The following FHIT variants were observed in gnomAD, a reference collection of about 807,000 sequenced individuals.
FHIT encodes the protein fragile histidine triad diadenosine triphosphatase.
A neutral mutation model predicts 17.9 loss-of-function variants in FHIT; 19 were observed. The ratio of observed to expected loss-of-function variants is 1.06; its 90% CI spans 0.74 to 1.56. The LOEUF (loss-of-function observed/expected upper bound fraction) is 1.56, where lower values mean the gene tolerates loss of function less well. Among genes scored for constraint, FHIT ranks in the 40% most tolerant of loss-of-function variants. The probability of loss-of-function intolerance (pLI) is 0.00; values close to 1 mark genes in which losing one functional copy is unlikely to be tolerated. For synonymous variants in FHIT, 81 were observed against 69.7 expected (o/e 1.16, Z -0.81); for missense variants, 248 against 189.2 (o/e 1.31, Z -1.82).
intron 5 of FHIT, among the ~76,000 whole-genome samples, chr3:60,058,130 GTTTTTTTTT>G (rs71089573): frequency 2.0e-4 from 13 of 66,274 alleles, no homozygotes; most frequent in Admixed American, 3.7e-4. Context: ...ACAGAGTTGT[GTTTTTTTTT>G]TTTTTTTTTT....
intron 4 of FHIT, among the ~76,000 whole-genome samples, chr3:60,540,602 T>C (rs1284843580): frequency 6.6e-6 from 1 of 152,222 alleles, no homozygotes; most frequent in South Asian, 2.1e-4. Context: ...GTCACAGTAG[T>C]AGTCTTTGCT....
chr3:60,571,483 T>C (rs1050027964), intron 4 of FHIT, among the ~76,000 whole-genome samples: 13 of 152,070 alleles, frequency 8.5e-5, no homozygotes, highest in Admixed American at 8.5e-4. Flanking sequence ...CAGAAGTCTT[T>C]AGGCTTCTGA....
rs1331434321 is a variant in FHIT at position 60,563,305 on chromosome 3, T to C, written c.-17-26326A>G. The stretch of plus-strand genomic sequence containing the variant: ...GGGCAGCAGTTAGGAAAGAGGATGG[T>C]CAAAGAACCAGTCAGTGCAGGCATA... On this transcript the variant is annotated intron_variant, in intron 4 of 9. Coordinates refer to ENST00000492590, the MANE Select transcript of FHIT (RefSeq NM_002012.4). Among the ~76,000 whole-genome samples the C allele has an allele frequency of 3.3e-5, 5 of 152,284 alleles. No homozygotes were observed. The East Asian group carries it at 7.7e-4, about 24-fold the overall frequency.
At chr3:60,370,435 A>G (rs951106849) in intron 5 of FHIT, among the ~76,000 whole-genome samples, 1 of 152,196 alleles carries the variant, frequency 6.6e-6, no homozygotes, top group Non-Finnish European at 1.5e-5. Context: ...TCAATTCACT[A>G]AAGATGCCCG....
chr3:60,416,285 T>A (rs1033768963), intron 5 of FHIT, among the ~76,000 whole-genome samples: 1 of 152,138 alleles, frequency 6.6e-6, no homozygotes, highest in East Asian at 1.9e-4. Context: ...AACCATAAAT[T>A]GATACAACCA....
chr3:59,840,124 C>T (rs1252639445), intron 8 of FHIT, among the ~76,000 whole-genome samples: 1 of 152,148 alleles, frequency 6.6e-6, no homozygotes, highest in Non-Finnish European at 1.5e-5. Flanking sequence ...CCTCTGACTA[C>T]AGGTAATCAA....
Position 60,125,389 on chromosome 3 carries a change from T to G in FHIT, c.104-111237A>C, listed in dbSNP as rs1237296919. On this transcript the variant is annotated intron_variant, in intron 5 of 9. Coordinates refer to ENST00000492590, the MANE Select transcript of FHIT (RefSeq NM_002012.4). The stretch of plus-strand genomic sequence containing the variant: ...GCTTACGCCTGTAATTCCAGCACTT[T>G]GGGAGGCTGAGGCGGTCGGATCGCC... Among the ~76,000 whole-genome samples the G allele has an allele frequency of 5.3e-5, 8 of 152,262 alleles. No homozygotes were observed. In the East Asian group the frequency reaches 1.5e-3, roughly 29 times the overall value.
chr3:59,961,682 T>C (rs1199123509), intron 7 of FHIT, among the ~76,000 whole-genome samples: 4 of 152,126 alleles, frequency 2.6e-5, no homozygotes, highest in East Asian at 1.9e-4. Flanking sequence ...CCCTGACCCC[T>C]TGTGCTTCCC....
intron 8 of FHIT, among the ~76,000 whole-genome samples, chr3:59,818,752 G>A (rs1441112879): frequency 6.6e-6 from 1 of 152,194 alleles, no homozygotes; most frequent in Non-Finnish European, 1.5e-5. Context: ...GTTACAGGGT[G>A]CGGTCACTTC....
intron 5 of FHIT, among the ~76,000 whole-genome samples, chr3:60,158,306 A>G (rs996258179): frequency 2.0e-5 from 3 of 151,852 alleles, no homozygotes; most frequent in African/African-American, 7.2e-5. Flanking sequence ...AAACAAGACT[A>G]TTTCATAATT....
intron 2 of FHIT, among the ~76,000 whole-genome samples, chr3:61,090,442 G>C (rs1261402114): frequency 1.3e-5 from 2 of 152,216 alleles, no homozygotes; most frequent in Non-Finnish European, 2.9e-5. Context: ...GGGATGGTCT[G>C]AAATGATATA....
At chr3:60,128,205 T>C (rs898626896) in intron 5 of FHIT, among the ~76,000 whole-genome samples, 6 of 152,190 alleles carry the variant, frequency 3.9e-5, no homozygotes, top group Non-Finnish European at 8.8e-5. Context: ...CACTGAAATC[T>C]CATCTTGAAT....
chr3:60,496,241 A>G (rs1299129847), intron 5 of FHIT, among the ~76,000 whole-genome samples: 1 of 152,144 alleles, frequency 6.6e-6, no homozygotes, highest in Non-Finnish European at 1.5e-5. Context: ...AATAAAAAAA[A>G]GTCCTGTGAT....
chr3:60,470,215 T>C (rs1438759057), intron 5 of FHIT, among the ~76,000 whole-genome samples: 1 of 152,088 alleles, frequency 6.6e-6, no homozygotes, highest in African/African-American at 2.4e-5. Flanking sequence ...ACTGCCTGGC[T>C]ACCACCTATG....
At chr3:60,536,764 G>T (rs1334609783) in intron 5 of FHIT, 96 bp downstream of exon 5, 32 of 1,308,162 alleles carry the variant, frequency 2.4e-5, no homozygotes, top group Admixed American at 2.9e-5. Context: ...TACCTTTTTG[G>T]ACAGACTGGA....
intron 2 of FHIT, among the ~76,000 whole-genome samples, chr3:61,064,188 C>T (rs2034525664): frequency 6.6e-6 from 1 of 152,068 alleles, no homozygotes; most frequent in African/African-American, 2.4e-5. Context: ...CGAAAGATAT[C>T]TGCTAAGAGA....
rs1553651340 is a variant in FHIT, at chr3:60,560,844, C to CAGAGAGAG, written c.-17-23873_-17-23866dup. ...ACACACACACACACACACACACACACAGAGAGAGAGAGAGTGTGTGTGTGT... is the reference window on the plus strand; with the variant it reads ...ACACACACACACACACACACACACACAGAGAGAGAGAGAGAGAGAGAGTGTGTGTGTGT... On this transcript the variant is annotated intron_variant, in intron 4 of 9. Transcript: ENST00000492590. 4.3e-3 allele frequency among the ~76,000 whole-genome samples: 522 copies of CAGAGAGAG among 122,340 alleles called. 8 individuals carry two copies. Among genetic ancestry groups the CAGAGAGAG allele is most frequent in the South Asian group, 0.014 (38 of 2,770 alleles). 80.3% of individuals were successfully genotyped at this position (122,340 alleles called of 152,430 possible). A position where few individuals can be genotyped will look rare whatever the true frequency, so the allele number is the denominator to read the frequency against.
intron 5 of FHIT, among the ~76,000 whole-genome samples, chr3:60,464,239 A>G (rs998395319): frequency 6.6e-6 from 1 of 152,152 alleles, no homozygotes; most frequent in African/African-American, 2.4e-5. Context: ...GTGGGTACAT[A>G]TAAGATATGT....
At chr3:60,399,113 A>G (rs944004541) in intron 5 of FHIT, among the ~76,000 whole-genome samples, 2 of 152,160 alleles carry the variant, frequency 1.3e-5, no homozygotes, top group African/African-American at 4.8e-5. Flanking sequence ...TGTAACAATA[A>G]TTTGCTGGCC....
Sources: gnomAD v4.1 joint callset for allele counts (sites outside exome capture counted in the v4.1 genomes callset) on GRCh38, gnomAD v4.1.1 for gene constraint, MANE v1.5 for transcripts, NCBI Gene and HGNC (gene_info 2026-07-23, HGNC 2026-07-21) for gene names.